ATP6V1E1: variants seen among roughly 807,000 people sequenced by gnomAD.
The protein encoded by ATP6V1E1 is ATPase H+ transporting V1 subunit E1.
A neutral mutation model predicts 35.2 loss-of-function variants in ATP6V1E1; 21 were observed. That is an observed-to-expected ratio of 0.60 (90% confidence interval 0.42 to 0.86). The LOEUF (loss-of-function observed/expected upper bound fraction) is 0.86. ATP6V1E1 is among the 40% of genes least tolerant of loss of function. The pLI, the probability that ATP6V1E1 is intolerant of heterozygous loss-of-function variation, is 0.00. For missense variants in ATP6V1E1, 183 were observed against 272.6 expected (o/e 0.67, Z 2.32); for synonymous variants, 83 against 87.8 (o/e 0.95, Z 0.30).
chr22:17,609,462 C>A (rs1446462707), intron 4 of ATP6V1E1, among the ~76,000 whole-genome samples: 1 of 111,982 alleles, frequency 8.9e-6, no homozygotes, highest in East Asian at 2.6e-4. Context: ...GCCCATCCTG[C>A]TCTTTTTTTT....
chr22:17,616,509 T>C (rs930580672), intron 2 of ATP6V1E1, among the ~76,000 whole-genome samples: 1 of 151,302 alleles, frequency 6.6e-6, no homozygotes, highest in African/African-American at 2.4e-5. Context: ...TAAAACCCCA[T>C]CTCTACTAAA....
chr22:17,597,232 A>C (rs1393769146), intron 7 of ATP6V1E1, among the ~76,000 whole-genome samples: 6 of 149,344 alleles, frequency 4.0e-5, no homozygotes, highest in Non-Finnish European at 8.9e-5. Flanking sequence ...ACAGAGTGAG[A>C]CTGCCTGTCT....
intron 7 of ATP6V1E1, among the ~76,000 whole-genome samples, chr22:17,596,484 T>C (rs933594014): frequency 1.1e-4 from 17 of 151,982 alleles, no homozygotes; most frequent in African/African-American, 4.1e-4. Context: ...CCCACTCCCC[T>C]TCCACCTTCT....
intron 1 of ATP6V1E1, among the ~76,000 whole-genome samples, chr22:17,623,539 C>T (rs984280443): frequency 3.4e-4 from 52 of 151,808 alleles, no homozygotes; most frequent in African/African-American, 1.2e-3. Context: ...GGCGTGGTGG[C>T]GGGTGCCTGC....
chr22:17,595,046 A>G (rs1418631141), intron 7 of ATP6V1E1: 1 of 151,856 alleles, frequency 6.6e-6, no homozygotes, highest in Non-Finnish European at 1.5e-5. Context: ...AAGTGACACT[A>G]TGTGTCAATT....
At chr22:17,619,008 A>G (rs770927773) in intron 2 of ATP6V1E1, 1 of 453,628 alleles carries the variant, frequency 2.2e-6, no homozygotes, top group South Asian at 1.6e-5. Flanking sequence ...AAAATGAAAG[A>G]AGGGGCCAGG....
At chr22:17,604,780 G>A (rs1002727907) in intron 4 of ATP6V1E1, among the ~76,000 whole-genome samples, 32 of 152,112 alleles carry the variant, frequency 2.1e-4, no homozygotes, top group Middle Eastern at 3.4e-3. Flanking sequence ...GCCTCCCAAA[G>A]TGTTGGGATT....
intron 4 of ATP6V1E1, among the ~76,000 whole-genome samples, chr22:17,611,626 C>G (rs1040340512): frequency 6.6e-6 from 1 of 152,136 alleles, no homozygotes; most frequent in African/African-American, 2.4e-5. Context: ...TTTTTCTTAA[C>G]GAAACATTTC....
chr22:17,601,747 C>T (rs2057763016), intron 4 of ATP6V1E1, among the ~76,000 whole-genome samples: 2 of 152,198 alleles, frequency 1.3e-5, no homozygotes, highest in Admixed American at 1.3e-4. Flanking sequence ...GATGAGACTA[C>T]AGGCGCCCAC....
At chr22:17,623,328 T>C (rs1226395611) in intron 1 of ATP6V1E1, among the ~76,000 whole-genome samples, 2 of 152,146 alleles carry the variant, frequency 1.3e-5, no homozygotes, top group Non-Finnish European at 2.9e-5. Context: ...GGGGTCATGG[T>C]AATGGTGTCT....
intron 2 of ATP6V1E1, among the ~76,000 whole-genome samples, chr22:17,616,679 C>CAA (rs374090230): frequency 0.13 from 6,631 of 52,132 alleles, 381 homozygotes; most frequent in African/African-American, 0.19. Flanking sequence ...AACTCCGGCT[C>CAA]AAAAAAAAAA....
At chr22:17,592,800 CTTTTTTT>C (rs150344720) in intron 8 of ATP6V1E1, 64 bp from the exon 9 acceptor site, 65 of 720,760 alleles carry the variant, frequency 9.0e-5, no homozygotes, top group Middle Eastern at 4.0e-4. Context: ...CGCTGCACAT[CTTTTTTT>C]TTTTTTTTTT....
rs2057720700 is a variant in ATP6V1E1 at position 17,594,416 on chromosome 22, T to A, written c.618+113A>T. The A allele has an allele frequency of 2.0e-5, 17 of 861,302 alleles. No homozygotes were observed. In the South Asian group the frequency reaches 4.1e-4, roughly 21 times the overall value. 53.4% of individuals were successfully genotyped at this position (861,302 alleles called of 1,614,324 possible). A position where few individuals can be genotyped will look rare whatever the true frequency, so the allele number is the denominator to read the frequency against. On this transcript the variant is annotated intron_variant, in intron 8 of 8. Transcript: ENST00000253413. ...AATTCTCATTCTTTTTGAGAAAATG[T>A]CCAAAACTGGAAAGACAGCAACAAA...
At chr22:17,610,124 T>TA (rs11438713) in intron 4 of ATP6V1E1, among the ~76,000 whole-genome samples, 52,604 of 151,288 alleles carry the variant, frequency 0.35, 9,455 homozygotes, top group African/African-American at 0.41. Flanking sequence ...CCATGCCTCT[T>TA]AAAAAAAAAT....
chr22:17,609,464 CTTTTTTTTTTTTTT>C (rs61116267), intron 4 of ATP6V1E1, among the ~76,000 whole-genome samples: 8 of 90,722 alleles, frequency 8.8e-5, no homozygotes, highest in Admixed American at 2.4e-4. Context: ...CCATCCTGCT[CTTTTTTTTTTTTTT>C]TTTTTTTTGA....
At chr22:17,628,760 T>A, upstream of ATP6V1E1, 3 of 1,330,528 alleles carry the variant, frequency 2.3e-6, no homozygotes, top group Non-Finnish European at 3.2e-6. Context: ...AACCGCGGGT[T>A]CCGGTTCCTG....
chr22:17,598,549 T>C (rs1008014678), intron 6 of ATP6V1E1, among the ~76,000 whole-genome samples: 2 of 152,062 alleles, frequency 1.3e-5, no homozygotes, highest in East Asian at 1.9e-4. Context: ...GTTATTACAT[T>C]TGAAACATGG....
intron 7 of ATP6V1E1, among the ~76,000 whole-genome samples, chr22:17,596,372 G>C (rs2401157): frequency 3.3e-5 from 5 of 152,070 alleles, no homozygotes; most frequent in African/African-American, 9.7e-5. Context: ...TTCTAGCTCC[G>C]GCAGGACTCG....
intron 7 of ATP6V1E1, among the ~76,000 whole-genome samples, chr22:17,595,641 C>T (rs925209926): frequency 6.6e-6 from 1 of 151,908 alleles, no homozygotes. Flanking sequence ...GCCAACATGG[C>T]GAAAGCCTGT....
Sources: gnomAD v4.1 joint callset for allele counts (sites outside exome capture counted in the v4.1 genomes callset) on GRCh38, gnomAD v4.1.1 for gene constraint, MANE v1.5 for transcripts, NCBI Gene and HGNC (gene_info 2026-07-23, HGNC 2026-07-21) for gene names.